Variants in CUBN observed in about 807,000 individuals in gnomAD.
The protein encoded by CUBN is cubilin.
CUBN carries 282 observed loss-of-function variants against 405.3 expected under a neutral mutation model. The ratio of observed to expected loss-of-function variants is 0.70; its 90% CI spans 0.63 to 0.77. The LOEUF is 0.77. Among genes scored for constraint, CUBN ranks in the 30% least tolerant of loss-of-function variants. The pLI is 0.00. For missense variants in CUBN, 4,514 were observed against 4,475.2 expected (o/e 1.01, Z -0.25); for synonymous variants, 1,684 against 1,617.0 (o/e 1.04, Z -0.99).
At chr10:17,063,940 T>C (rs898591093) in intron 22 of CUBN, among the ~76,000 whole-genome samples, 23 of 152,328 alleles carry the variant, frequency 1.5e-4, no homozygotes, top group African/African-American at 5.1e-4. Context: ...CAAATCCTGA[T>C]CTAATATTCA....
chr10:16,829,094 T>C, intron 65 of CUBN, 54 bp from the exon 66 acceptor site: 4 of 1,380,180 alleles, frequency 2.9e-6, no homozygotes, highest in Non-Finnish European at 4.1e-6. Flanking sequence ...AGCCGTCCAG[T>C]CTGGCTTGTT....
intron 40 of CUBN, among the ~76,000 whole-genome samples, chr10:16,929,428 T>C (rs2131588887): frequency 6.6e-6 from 1 of 152,304 alleles, no homozygotes; most frequent in South Asian, 2.1e-4. Flanking sequence ...TTAATAAATC[T>C]CGAGTTTATA....
chr10:17,025,150 A>G (rs1488565984), intron 27 of CUBN, among the ~76,000 whole-genome samples: 1 of 152,160 alleles, frequency 6.6e-6, no homozygotes, highest in African/African-American at 2.4e-5. Context: ...TGCTGTGAGG[A>G]GAAATTTTGG....
rs759101468 is a variant in CUBN at position 17,085,583 on chromosome 10, G to C, written c.2110+14C>G. 1 of 1,612,838 alleles carries C rather than the reference G, an allele frequency of 6.2e-7. No individual in the cohort carries two copies. The highest frequency in any genetic ancestry group is 8.5e-7 in the Non-Finnish European group (1 of 1,178,852). ...TCAAATCCCTCTTAAGCCCCCAACT[G>C]GTAGGTTACTTACAAGGTGATGTTA... is the stretch of plus-strand genomic sequence containing the variant. On this transcript the variant is annotated intron_variant, in intron 16 of 66. Coordinates refer to ENST00000377833, the MANE Select transcript of CUBN (RefSeq NM_001081.4).
At chr10:17,033,180 G>T (rs1219810266) in intron 27 of CUBN, among the ~76,000 whole-genome samples, 1 of 152,122 alleles carries the variant, frequency 6.6e-6, no homozygotes, top group African/African-American at 2.4e-5. Context: ...ACCCTGCTCT[G>T]CAGGCCAGGT....
chr10:16,840,300 T>C lies in CUBN; in HGVS notation c.10032+30A>G, dbSNP rs750933561. 38 of 1,560,306 alleles carry C rather than the reference T, an allele frequency of 2.4e-5. No individual in the cohort carries two copies. In the Admixed American group the frequency reaches 3.2e-4, roughly 13 times the overall value. On this transcript the variant is annotated intron_variant, in intron 62 of 66. Transcript: ENST00000377833. ...AAATACTGGTGAAAAGGTCACTAGATGTGACTGCCATTCATCTTATAATTG... is the reference window on the plus strand; with the variant it reads ...AAATACTGGTGAAAAGGTCACTAGACGTGACTGCCATTCATCTTATAATTG...
chr10:16,946,789 C>A (rs973931343), intron 36 of CUBN, among the ~76,000 whole-genome samples: 1 of 152,012 alleles, frequency 6.6e-6, no homozygotes, highest in Non-Finnish European at 1.5e-5. Flanking sequence ...GCCACTACAC[C>A]CAGCCCCAGA....
intron 26 of CUBN, among the ~76,000 whole-genome samples, chr10:17,043,155 C>T (rs1175356330): frequency 6.6e-6 from 1 of 152,114 alleles, no homozygotes; most frequent in African/African-American, 2.4e-5. Context: ...AACCATGGGA[C>T]CACAAAGAAA....
chr10:16,967,991 A>G (rs1020933894), intron 31 of CUBN, among the ~76,000 whole-genome samples: 2 of 145,150 alleles, frequency 1.4e-5, no homozygotes, highest in East Asian at 4.2e-4. Context: ...GAGAGAGGAA[A>G]AGAGAGAGAG....
intron 37 of CUBN, 146 bp downstream of exon 37, chr10:16,939,884 AAT>A: frequency 1.3e-6 from 1 of 774,248 alleles, no homozygotes; most frequent in Non-Finnish European, 2.2e-6. Flanking sequence ...CAGTTTTTCT[AAT>A]ATGTTATAAG....
At chr10:17,052,049 C>T (rs1013342322) in intron 22 of CUBN, among the ~76,000 whole-genome samples, 16 of 151,512 alleles carry the variant, frequency 1.1e-4, no homozygotes, top group Non-Finnish European at 1.3e-4. Context: ...CCAGTTGGGG[C>T]GGGGGGGAAG....
chr10:17,017,543 T>G (rs554024688), intron 28 of CUBN, among the ~76,000 whole-genome samples: 1 of 152,008 alleles, frequency 6.6e-6, no homozygotes, highest in East Asian at 1.9e-4. Context: ...GTTGGAAGAG[T>G]GATGCCTTTT....
chr10:16,853,503 A>C (rs1839778085), intron 59 of CUBN, among the ~76,000 whole-genome samples: 1 of 152,182 alleles, frequency 6.6e-6, no homozygotes, highest in African/African-American at 2.4e-5. Flanking sequence ...TAGATAGCAA[A>C]CGTGCAGGGT....
chr10:16,963,189 T>TTTC (rs1843285776), intron 31 of CUBN, among the ~76,000 whole-genome samples: 2 of 57,696 alleles, frequency 3.5e-5, no homozygotes, highest in Non-Finnish European at 9.7e-5. Flanking sequence ...TTTCTTTTCT[T>TTTC]TTTTTTCTTT....
At chr10:17,004,800 G>A (rs1400234608) in intron 28 of CUBN, among the ~76,000 whole-genome samples, 1 of 151,762 alleles carries the variant, frequency 6.6e-6, no homozygotes, top group Admixed American at 6.6e-5. Flanking sequence ...CTCCTGAGTA[G>A]CTAGGATTAC....
In CUBN at chr10:17,105,587, T is replaced by C. The variant is rs762175932; in HGVS notation, c.1112-12A>G. Reference sequence around the variant, plus strand: ...GAGAGGTAAGGAACCTGTTCAGAAATAAAAACAAACGTGTAAATACAGGTC... The same window carrying C: ...GAGAGGTAAGGAACCTGTTCAGAAACAAAAACAAACGTGTAAATACAGGTC... On this transcript the variant is annotated splice_polypyrimidine_tract_variant and intron_variant, in intron 10 of 66. Coordinates refer to ENST00000377833, the MANE Select transcript of CUBN (RefSeq NM_001081.4). The C allele has an allele frequency of 4.5e-5, 66 of 1,466,016 alleles. 2 individuals are homozygous for C. The highest frequency in any genetic ancestry group is 3.0e-4 in the Admixed American group (18 of 59,788). 90.8% of individuals were successfully genotyped at this position (1,466,016 alleles called of 1,614,324 possible).
chr10:17,127,429 C>G (rs1837224977), intron 3 of CUBN, among the ~76,000 whole-genome samples: 1 of 102,178 alleles, frequency 9.8e-6, no homozygotes, highest in African/African-American at 3.9e-5. Context: ...CCATGCCCAG[C>G]TATTTTTTTT....
At chr10:16,880,189 A>C (rs999199006) in intron 56 of CUBN, among the ~76,000 whole-genome samples, 3 of 152,190 alleles carry the variant, frequency 2.0e-5, no homozygotes, top group African/African-American at 7.2e-5. Flanking sequence ...TGTGCCATAA[A>C]ACCTCCTAAT....
chr10:17,046,777 A>T (rs1835144703), intron 23 of CUBN, among the ~76,000 whole-genome samples: 1 of 152,216 alleles, frequency 6.6e-6, no homozygotes, highest in Admixed American at 6.5e-5. Context: ...TTCCAGATTT[A>T]AAATCCCAAA....
Sources: gnomAD v4.1 joint callset for allele counts (sites outside exome capture counted in the v4.1 genomes callset) on GRCh38, gnomAD v4.1.1 for gene constraint, MANE v1.5 for transcripts, NCBI Gene and HGNC (gene_info 2026-07-23, HGNC 2026-07-21) for gene names.